Variants in SEMA5B observed in about 807,000 individuals in gnomAD.
The protein encoded by SEMA5B is semaphorin-5B.
A neutral mutation model predicts 135.0 loss-of-function variants in SEMA5B; 66 were observed. The ratio of observed to expected loss-of-function variants is 0.49; its 90% CI spans 0.40 to 0.60. The LOEUF (loss-of-function observed/expected upper bound fraction) is 0.60, where lower values mean the gene tolerates loss of function less well. SEMA5B is among the 20% of genes least tolerant of loss of function. SEMA5B has a pLI of 0.00. For missense variants in SEMA5B, 1,501 were observed against 1,566.3 expected (o/e 0.96, Z 0.70); for synonymous variants, 690 against 639.5 (o/e 1.08, Z -1.19).
intron 1 of SEMA5B, among the ~76,000 whole-genome samples, chr3:122,997,347 C>T (rs950871277): frequency 6.6e-6 from 1 of 152,166 alleles, no homozygotes; most frequent in Non-Finnish European, 1.5e-5. Context: ...AGCTCCTCCT[C>T]TTCTCGCCTA....
chr3:122,987,297 G>C (rs1291456121), intron 1 of SEMA5B, among the ~76,000 whole-genome samples: 3 of 152,176 alleles, frequency 2.0e-5, no homozygotes, highest in African/African-American at 7.2e-5. Context: ...GTTCACAAAG[G>C]ACAGGGACAA....
At chr3:122,929,805 G>C (rs1938866481) in intron 5 of SEMA5B, among the ~76,000 whole-genome samples, 1 of 152,128 alleles carries the variant, frequency 6.6e-6, no homozygotes, top group African/African-American at 2.4e-5. Context: ...CTTTCATGTG[G>C]GGACCTGCAG....
chr3:122,931,863 T>C (rs1243158273), intron 5 of SEMA5B, among the ~76,000 whole-genome samples: 2 of 152,238 alleles, frequency 1.3e-5, no homozygotes, highest in Admixed American at 1.3e-4. Flanking sequence ...CATTCTTCCC[T>C]CATGTGATCC....
chr3:123,015,956 G>C (rs1560448292), intron 1 of SEMA5B, among the ~76,000 whole-genome samples: 1 of 152,256 alleles, frequency 6.6e-6, no homozygotes, highest in Non-Finnish European at 1.5e-5. Flanking sequence ...GGCTTCGGCA[G>C]ATTAAACTGT....
chr3:123,005,210 C>A (rs551055364), intron 1 of SEMA5B, among the ~76,000 whole-genome samples: 28 of 152,254 alleles, frequency 1.8e-4, no homozygotes, highest in South Asian at 4.2e-4. Context: ...CTGTCCCCAC[C>A]CCTGACAGCA....
intron 12 of SEMA5B, among the ~76,000 whole-genome samples, chr3:122,920,912 T>C (rs907310795): frequency 6.6e-6 from 1 of 152,174 alleles, no homozygotes; most frequent in African/African-American, 2.4e-5. Flanking sequence ...CTGAACATGG[T>C]ATGTCTTAGT....
intron 1 of SEMA5B, among the ~76,000 whole-genome samples, chr3:123,003,662 A>G (rs1430632524): frequency 1.3e-5 from 2 of 152,044 alleles, no homozygotes; most frequent in African/African-American, 2.4e-5. Context: ...GTGAAACCCC[A>G]TCTCTACTAA....
intron 1 of SEMA5B, among the ~76,000 whole-genome samples, chr3:123,019,006 G>C (rs368098917): frequency 1.2e-3 from 177 of 152,278 alleles, no homozygotes; most frequent in African/African-American, 4.1e-3. Context: ...AAAAAGGAAA[G>C]GGGGGCATTG....
At chr3:123,026,838 C>T (rs1417660392) in intron 1 of SEMA5B, among the ~76,000 whole-genome samples, 3 of 152,222 alleles carry the variant, frequency 2.0e-5, no homozygotes, top group African/African-American at 7.2e-5. Context: ...GCCGGGAGTG[C>T]GGGGCCCTGA....
chr3:122,974,682 T>C (rs1941251169), intron 1 of SEMA5B, among the ~76,000 whole-genome samples: 1 of 152,004 alleles, frequency 6.6e-6, no homozygotes, highest in African/African-American at 2.4e-5. Flanking sequence ...GGGGGGTCTT[T>C]AAGAGAAGCA....
chr3:122,953,878 G>A (rs1940164965), intron 2 of SEMA5B, among the ~76,000 whole-genome samples: 1 of 152,168 alleles, frequency 6.6e-6, no homozygotes, highest in African/African-American at 2.4e-5. Context: ...AGCCTCATAT[G>A]TACCATGGGG....
intron 1 of SEMA5B, among the ~76,000 whole-genome samples, chr3:122,969,590 T>C (rs1221639717): frequency 6.6e-6 from 1 of 152,180 alleles, no homozygotes; most frequent in African/African-American, 2.4e-5. Context: ...CCAGCTCCAC[T>C]CCCATTCTGC....
intron 9 of SEMA5B, among the ~76,000 whole-genome samples, chr3:122,924,749 C>T (rs1938538622): frequency 2.0e-5 from 3 of 152,094 alleles, no homozygotes; most frequent in African/African-American, 7.2e-5. Context: ...GCACATATTC[C>T]CTCAGGCTGG....
chr3:122,912,108 A>G (rs1560276878), intron 19 of SEMA5B, 39 bp from the exon 20 acceptor site: 1 of 1,594,586 alleles, frequency 6.3e-7, no homozygotes. Flanking sequence ...CTGCCCAGGG[A>G]CCCCCTGGTG....
At chr3:122,917,047 A>C (rs553519314) in intron 12 of SEMA5B, among the ~76,000 whole-genome samples, 4 of 152,184 alleles carry the variant, frequency 2.6e-5, no homozygotes, top group African/African-American at 9.7e-5. Context: ...AGGGGAGAAA[A>C]AGTCTGTGGG....
rs757264873 is a variant in SEMA5B at position 122,923,763 on chromosome 3, A to G, written c.1137-11T>C. On this transcript the variant is annotated splice_polypyrimidine_tract_variant and intron_variant, in intron 9 of 22. Coordinates refer to ENST00000357599, the MANE Select transcript of SEMA5B (RefSeq NM_001031702.4). ...GCCGCGATGCTGTTTCTGAAAGGCA[A>G]GAAGTGGTGGCACAGGGCCCTCCCT... The G allele has an allele frequency of 6.8e-6, 11 of 1,613,868 alleles. No individual in the cohort carries two copies. The highest frequency in any genetic ancestry group is 4.0e-5 in the African/African-American group (3 of 74,896).
At chr3:122,917,407 T>TA (rs1345701514) in intron 12 of SEMA5B, among the ~76,000 whole-genome samples, 1 of 152,200 alleles carries the variant, frequency 6.6e-6, no homozygotes, top group East Asian at 1.9e-4. Flanking sequence ...TGCCTAGGGC[T>TA]AAAGAGATAC....
intron 1 of SEMA5B, among the ~76,000 whole-genome samples, chr3:123,008,648 C>T (rs955761146): frequency 6.6e-6 from 1 of 152,162 alleles, no homozygotes; most frequent in African/African-American, 2.4e-5. Flanking sequence ...GGATTACACA[C>T]ATGCAGTAGG....
chr3:123,000,934 G>T (rs1407806630), intron 1 of SEMA5B, among the ~76,000 whole-genome samples: 1 of 152,220 alleles, frequency 6.6e-6, no homozygotes, highest in Non-Finnish European at 1.5e-5. Flanking sequence ...GAGAAATAAG[G>T]ATGAAGTGGG....
Sources: gnomAD v4.1 joint callset for allele counts (sites outside exome capture counted in the v4.1 genomes callset) on GRCh38, gnomAD v4.1.1 for gene constraint, MANE v1.5 for transcripts, NCBI Gene and HGNC (gene_info 2026-07-23, HGNC 2026-07-21) for gene names.